Variants in NLK observed in about 807,000 individuals in gnomAD.
NLK encodes nemo like kinase.
A neutral mutation model predicts 59.0 loss-of-function variants in NLK; 11 were observed. That is an observed-to-expected ratio of 0.19 (90% CI 0.12 to 0.31). The LOEUF (loss-of-function observed/expected upper bound fraction) is 0.31. Among genes scored for constraint, NLK ranks in the 10% least tolerant of loss-of-function variants. The pLI is 1.00. For synonymous variants in NLK, 235 were observed against 235.9 expected (o/e 1.00, Z 0.03); for missense variants, 410 against 661.1 (o/e 0.62, Z 4.16).
chr17:28,187,678 G>A (rs1052857077), intron 8 of NLK, among the ~76,000 whole-genome samples: 3 of 152,148 alleles, frequency 2.0e-5, no homozygotes, highest in South Asian at 2.1e-4. Flanking sequence ...AACTTCCTAA[G>A]CCATAGAGCA....
intron 4 of NLK, 113 bp downstream of exon 4, chr17:28,161,379 T>C (rs1036292673): frequency 1.6e-6 from 1 of 607,732 alleles, no homozygotes; most frequent in Non-Finnish European, 2.9e-6. Context: ...TAAAGACTTT[T>C]TTCTTTTGAC....
intron 7 of NLK, among the ~76,000 whole-genome samples, chr17:28,173,137 G>C (rs1196328221): frequency 2.0e-5 from 3 of 152,164 alleles, no homozygotes; most frequent in Non-Finnish European, 4.4e-5. Flanking sequence ...CCAAGTCACT[G>C]CTGAGAAAGA....
intron 1 of NLK, among the ~76,000 whole-genome samples, chr17:28,103,756 A>G (rs1047569886): frequency 6.6e-6 from 1 of 152,226 alleles, no homozygotes; most frequent in Non-Finnish European, 1.5e-5. Context: ...CGTAAGAGAT[A>G]GTGCCCAGTT....
chr17:28,081,503 G>C (rs1187774755), intron 1 of NLK, among the ~76,000 whole-genome samples: 1 of 152,024 alleles, frequency 6.6e-6, no homozygotes, highest in Non-Finnish European at 1.5e-5. Flanking sequence ...AAATGACAGT[G>C]TGTTCCATCT....
downstream of NLK, among the ~76,000 whole-genome samples, chr17:28,199,665 C>CAAAAAAAAAAAAAAAAAAAAAAAA (rs1303411168): frequency 3.0e-4 from 10 of 33,570 alleles, no homozygotes; most frequent in Admixed American, 4.5e-4. Context: ...GACTCTGTCT[C>CAAAAAAAAAAAAAAAAAAAAAAAA]AAAAAAAAAA....
intron 1 of NLK, among the ~76,000 whole-genome samples, chr17:28,043,581 A>G (rs35249349): frequency 0.01 from 1,594 of 152,272 alleles, 31 homozygotes; most frequent in African/African-American, 0.037. Context: ...AAACTTTTCT[A>G]TTAGAACCTA....
At chr17:28,083,583 A>T (rs1408816888) in intron 1 of NLK, among the ~76,000 whole-genome samples, 1 of 152,200 alleles carries the variant, frequency 6.6e-6, no homozygotes, top group Non-Finnish European at 1.5e-5. Flanking sequence ...ATCCATTTTT[A>T]AAAAGTTCTA....
downstream of NLK, among the ~76,000 whole-genome samples, chr17:28,199,006 AAC>A (rs1173508288): frequency 1.3e-5 from 2 of 152,202 alleles, no homozygotes; most frequent in South Asian, 2.1e-4. Flanking sequence ...TTTTTGTGGA[AAC>A]ACATATAAAA....
chr17:28,042,709 C>A lies in NLK; in HGVS notation c.-165C>A. ...CAACCCACACCCTTCCACACACGCT[C>A]ACCCCAAAATTAAACACCAAGATCC... On this transcript the variant is annotated 5_prime_UTR_variant, in exon 1 of 11. Coordinates refer to ENST00000407008, the MANE Select transcript of NLK (RefSeq NM_016231.5). 1 of 583,314 alleles carries A rather than the reference C, an allele frequency of 1.7e-6. No individual in the cohort carries two copies. The highest frequency in any genetic ancestry group is 2.8e-6 in the Non-Finnish European group (1 of 355,864). 36.1% of individuals were successfully genotyped at this position (583,314 alleles called of 1,614,324 possible).
intron 1 of NLK, among the ~76,000 whole-genome samples, chr17:28,070,651 T>C (rs1402093189): frequency 6.6e-6 from 1 of 152,042 alleles, no homozygotes; most frequent in African/African-American, 2.4e-5. Flanking sequence ...GTGCCCAGCC[T>C]GAAATTAATT....
intron 3 of NLK, among the ~76,000 whole-genome samples, chr17:28,141,841 G>A (rs905838945): frequency 6.6e-6 from 1 of 152,088 alleles, no homozygotes; most frequent in Non-Finnish European, 1.5e-5. Context: ...CTATATAGAG[G>A]CTCCTCTTTC....
At chr17:28,080,661 G>A (rs1262572111) in intron 1 of NLK, among the ~76,000 whole-genome samples, 1 of 152,244 alleles carries the variant, frequency 6.6e-6, no homozygotes, top group East Asian at 1.9e-4. Context: ...TGGAGGCATT[G>A]GAGCATTTGG....
rs772972333 is a variant in NLK, at chr17:28,168,448, A to G, written c.838A>G (p.Ile280Val). The part of the protein sequence containing the change: ...LLVNSNCVLK[I>V]CDFGLARVEE... ...TGTTTTGATTGCCTTTTCTGTCTAG[A>G]TTTGTGATTTTGGATTGGCCAGAGT... Residue 280 changes from isoleucine (I) to valine (V), a missense_variant and splice_region_variant, in exon 6 of 11, where the codon ATT (isoleucine) becomes GTT (valine). Physicochemically the swap from Ile to Val is conservative, Grantham distance 29. Coordinates refer to ENST00000407008, the MANE Select transcript of NLK (RefSeq NM_016231.5). 14 of 1,608,094 alleles carry G rather than the reference A, an allele frequency of 8.7e-6. No individual in the cohort carries two copies. The Admixed American group carries it at 2.0e-4, about 23-fold the overall frequency.
At chr17:28,063,823 G>A (rs1029349756) in intron 1 of NLK, among the ~76,000 whole-genome samples, 2 of 152,168 alleles carry the variant, frequency 1.3e-5, no homozygotes, top group East Asian at 1.9e-4. Flanking sequence ...TAAACTGAAC[G>A]AAATGAGACA....
intron 3 of NLK, among the ~76,000 whole-genome samples, chr17:28,146,903 GACTT>G (rs1295050578): frequency 2.0e-5 from 3 of 152,134 alleles, no homozygotes; most frequent in Admixed American, 6.5e-5. Context: ...CCCATAATGG[GACTT>G]ACTTCTTACA....
intron 1 of NLK, among the ~76,000 whole-genome samples, chr17:28,079,726 G>C (rs986442690): frequency 3.9e-5 from 6 of 152,000 alleles, no homozygotes; most frequent in Non-Finnish European, 8.8e-5. Flanking sequence ...GTATATTCTA[G>C]GAAGTAAACA....
chr17:28,102,202 G>A (rs973631111), intron 1 of NLK, among the ~76,000 whole-genome samples: 9 of 151,996 alleles, frequency 5.9e-5, no homozygotes, highest in African/African-American at 1.9e-4. Flanking sequence ...TTGTTTTTAT[G>A]TTCCTCTTTT....
At chr17:28,197,271 C>T (rs1308965791), downstream of NLK, among the ~76,000 whole-genome samples, 1 of 152,014 alleles carries the variant, frequency 6.6e-6, no homozygotes, top group Non-Finnish European at 1.5e-5. Flanking sequence ...GAGTTCAAGA[C>T]CAGCCTGGCC....
chr17:28,101,170 A>G (rs897571488), intron 1 of NLK, among the ~76,000 whole-genome samples: 3 of 152,176 alleles, frequency 2.0e-5, no homozygotes, highest in Non-Finnish European at 4.4e-5. Flanking sequence ...ACCACCACAT[A>G]TTGATTTCTG....
Sources: gnomAD v4.1 joint callset for allele counts (sites outside exome capture counted in the v4.1 genomes callset) on GRCh38, gnomAD v4.1.1 for gene constraint, MANE v1.5 for transcripts, NCBI Gene and HGNC (gene_info 2026-07-23, HGNC 2026-07-21) for gene names.